AOPEP: variants seen among roughly 807,000 people sequenced by gnomAD.
AOPEP encodes aminopeptidase O.
A neutral mutation model predicts 98.1 loss-of-function variants in AOPEP; 77 were observed. The observed-to-expected ratio is 0.78, with a 90% CI of 0.65 to 0.95. The LOEUF is 0.95. AOPEP is among the 40% of genes least tolerant of loss of function. The probability of loss-of-function intolerance (pLI) is 0.00; values close to 1 mark genes in which losing one functional copy is unlikely to be tolerated. For synonymous variants in AOPEP, 346 were observed against 365.3 expected (o/e 0.95, Z 0.60); for missense variants, 1,024 against 1,024.7 (o/e 1.00, Z 0.01).
At chr9:95,094,669 TTTTTC>T in the AOPEP span, among the ~76,000 whole-genome samples, 53 of 152,248 alleles carry the variant, frequency 3.5e-4, no homozygotes, top group African/African-American at 1.2e-3. Flanking sequence ...CTCTGCCTCT[TTTTTC>T]TTTTTTCTTT....
chr9:95,112,389 C>A, the AOPEP span, among the ~76,000 whole-genome samples: 1 of 152,162 alleles, frequency 6.6e-6, no homozygotes, highest in South Asian at 2.1e-4. Context: ...CCTGCATGTT[C>A]CTCTGCCTGG....
At chr9:94,784,814 C>T (rs1438667319) in intron 3 of AOPEP, among the ~76,000 whole-genome samples, 1 of 152,150 alleles carries the variant, frequency 6.6e-6, no homozygotes, top group Non-Finnish European at 1.5e-5. Context: ...CAGGGTTTCA[C>T]CCATGTTGGC....
At chr9:94,880,283 A>AG (rs2047418775) in intron 5 of AOPEP, among the ~76,000 whole-genome samples, 2 of 152,168 alleles carry the variant, frequency 1.3e-5, no homozygotes, top group Non-Finnish European at 2.9e-5. Context: ...AATAGAAGTG[A>AG]GAAACCCCTA....
chr9:95,005,545 A>G lies in AOPEP; in HGVS notation c.2044A>G (p.Thr682Ala), dbSNP rs1174338507. ...GLARQVRAEV[T>A]KWIGVNRRPR... ...TGCTGTGGTTTTTGAACCTCAGGTCACGAAATGGATTGGAGTGAACCGGAG... is the reference window on the plus strand; with the variant it reads ...TGCTGTGGTTTTTGAACCTCAGGTCGCGAAATGGATTGGAGTGAACCGGAG... Residue 682 changes from threonine (T) to alanine (A), a missense_variant, in exon 13 of 17, where the codon ACG becomes GCG. Transcript: ENST00000375315. The G allele has an allele frequency of 1.2e-6, 2 of 1,613,900 alleles. No homozygotes were observed. The highest frequency in any genetic ancestry group is 3.3e-5 in the Admixed American group (2 of 60,020).
intron 16 of AOPEP, chr9:95,083,088 T>G: frequency 4.6e-6 from 1 of 217,356 alleles, no homozygotes; most frequent in Non-Finnish European, 9.2e-6. Context: ...GAAGCGCTGG[T>G]CCAGTCTTCA....
chr9:95,082,668 C>G lies in AOPEP; in HGVS notation c.2413C>G (p.Gln805Glu). The G allele has an allele frequency of 6.2e-7, 1 of 1,614,216 alleles. No individual in the cohort carries two copies. The highest frequency in any genetic ancestry group is 8.5e-7 in the Non-Finnish European group (1 of 1,180,036). The change falls in exon 16 of 17, where the codon CAG becomes GAG. Residue 805 changes from glutamine to glutamate, a missense_variant. Around this residue, in one of 3 missense-constraint regions of AOPEP, gnomAD observed 566 missense variants for 551.7 expected, o/e 1.03. Coordinates refer to ENST00000375315, the MANE Select transcript of AOPEP (RefSeq NM_001193329.3). Reference protein sequence around the residue: ...ARRCFERTKEQMDRSSAQVVA... With the variant: ...ARRCFERTKEEMDRSSAQVVA... ...TAGGTGCTTCGAGCGGACCAAGGAG[C>G]AGATGGATAGGTCCTCAGCCCAGGT...
At chr9:94,965,304 G>T (rs959297129) in intron 9 of AOPEP, among the ~76,000 whole-genome samples, 1 of 152,156 alleles carries the variant, frequency 6.6e-6, no homozygotes, top group African/African-American at 2.4e-5. Flanking sequence ...ATTACTGTTT[G>T]TATTGTTATT....
intron 5 of AOPEP, among the ~76,000 whole-genome samples, chr9:94,877,427 C>T (rs796848298): frequency 6.4e-5 from 8 of 124,834 alleles, no homozygotes; most frequent in Admixed American, 1.6e-4. Flanking sequence ...TTTTTCTTTT[C>T]TTTTTTTTTT....
Position 94,997,596 on chromosome 9 carries a change from T to C in AOPEP, c.1978-7562T>C, listed in dbSNP as rs557280977. On this transcript the variant is annotated intron_variant, in intron 11 of 16. Transcript: ENST00000375315. ...GTGAACCTAAGTGGTCACCTGGGCA[T>C]TGAGATTTGTAAAACACCTTCTGGT... Among the ~76,000 whole-genome samples the C allele has an allele frequency of 5.3e-5, 8 of 152,320 alleles. No homozygotes were observed. The East Asian group carries it at 1.2e-3, about 22-fold the overall frequency.
intron 5 of AOPEP, among the ~76,000 whole-genome samples, chr9:94,922,209 T>C (rs2053721763): frequency 6.6e-6 from 1 of 152,232 alleles, no homozygotes; most frequent in African/African-American, 2.4e-5. Context: ...GCTTCCACAC[T>C]GGGACAGAAG....
intron 14 of AOPEP, among the ~76,000 whole-genome samples, chr9:95,071,307 A>G (rs145509470): frequency 8.6e-6 from 1 of 115,982 alleles, no homozygotes. Context: ...CACACACACA[A>G]AAAAATGCTC....
chr9:94,854,938 C>T (rs1012588315), intron 5 of AOPEP, among the ~76,000 whole-genome samples: 1 of 152,158 alleles, frequency 6.6e-6, no homozygotes, highest in South Asian at 2.1e-4. Context: ...ACAACTCAAA[C>T]TGTTTGTCAT....
chr9:95,144,470 C>T, the AOPEP span, among the ~76,000 whole-genome samples: 1 of 152,184 alleles, frequency 6.6e-6, no homozygotes, highest in East Asian at 1.9e-4. Context: ...CCCTCAGCGT[C>T]CCTCTGAGCA....
At chr9:94,976,345 A>G (rs927210309) in intron 10 of AOPEP, among the ~76,000 whole-genome samples, 1 of 152,112 alleles carries the variant, frequency 6.6e-6, no homozygotes, top group Non-Finnish European at 1.5e-5. Context: ...TGCCACCCCT[A>G]GAGAAGCATC....
At chr9:94,974,222 G>A (rs945773307) in intron 10 of AOPEP, among the ~76,000 whole-genome samples, 1 of 152,134 alleles carries the variant, frequency 6.6e-6, no homozygotes, top group Admixed American at 6.5e-5. Context: ...GTTAGCAGCT[G>A]GAATTAATGC....
chr9:94,826,877 A>C (rs1327286475), intron 5 of AOPEP, among the ~76,000 whole-genome samples: 1 of 152,162 alleles, frequency 6.6e-6, no homozygotes, highest in East Asian at 1.9e-4. Flanking sequence ...TTGGGGCTAT[A>C]GATTTCTGCC....
intron 4 of AOPEP, among the ~76,000 whole-genome samples, chr9:94,794,846 A>G (rs1283040240): frequency 6.6e-6 from 1 of 152,124 alleles, no homozygotes; most frequent in East Asian, 1.9e-4. Context: ...GGTGGTCTGA[A>G]TTTCTGAGTG....
chr9:95,012,987 TGG>T (rs567654479), intron 13 of AOPEP, among the ~76,000 whole-genome samples: 9 of 62,688 alleles, frequency 1.4e-4, no homozygotes, highest in South Asian at 9.7e-4. Context: ...GTTTTTTTTT[TGG>T]GGGGGGGGGC....
chr9:94,833,656 T>C (rs906600317), intron 5 of AOPEP, among the ~76,000 whole-genome samples: 11 of 152,208 alleles, frequency 7.2e-5, no homozygotes, highest in African/African-American at 2.7e-4. Context: ...ATTAATAAGA[T>C]AACTGCAATG....
Sources: gnomAD v4.1 joint callset for allele counts (sites outside exome capture counted in the v4.1 genomes callset) on GRCh38, gnomAD v4.1.1 for gene constraint, gnomAD v4.1.1 regional missense constraint, MANE v1.5 for transcripts, NCBI Gene and HGNC (gene_info 2026-07-23, HGNC 2026-07-21) for gene names.